The following HPR variants were observed in gnomAD, a reference collection of about 807,000 sequenced individuals.
HPR encodes haptoglobin-related protein.
HPR carries 17 observed loss-of-function variants against 18.5 expected under a neutral mutation model. The ratio of observed to expected loss-of-function variants is 0.92; its 90% CI spans 0.63 to 1.38. The LOEUF is 1.38. Ranked by LOEUF, HPR falls within the 40% of genes most tolerant of loss-of-function variation. The probability of loss-of-function intolerance (pLI) is 0.00; values close to 1 mark genes in which losing one functional copy is unlikely to be tolerated. For synonymous variants in HPR, 176 were observed against 165.0 expected (o/e 1.07, Z -0.51); for missense variants, 457 against 432.4 (o/e 1.06, Z -0.51).
intron 1 of HPR, among the ~76,000 whole-genome samples, chr16:72,064,283 A>G (rs1286509787): frequency 1.3e-5 from 2 of 152,202 alleles, no homozygotes; most frequent in Non-Finnish European, 2.9e-5. Flanking sequence ...AAATACAGTA[A>G]GAAATTCTTC....
chr16:72,076,924 C>A lies in HPR; in HGVS notation c.890C>A (p.Ala297Glu), dbSNP rs368733337. The A allele has an allele frequency of 2.5e-6, 4 of 1,614,092 alleles. No homozygotes were observed. Among genetic ancestry groups the A allele is most frequent in the Middle Eastern group, 1.6e-4 (1 of 6,084 alleles). Residue 297 changes from alanine to glutamate, a missense_variant, in exon 5 of 5, where the codon GCG (alanine) becomes GAG (glutamate). Transcript: ENST00000540303. ...CAGGAAGACACCTGCTATGGCGATG[C>A]GGGCAGTGCCTTTGCCGTTCACGAC... is the stretch of plus-strand genomic sequence containing the variant. ...KYQEDTCYGD[A>E]GSAFAVHDLE...
At chr16:72,064,946 A>AAAG (rs1336936131) in intron 1 of HPR, among the ~76,000 whole-genome samples, 1 of 152,164 alleles carries the variant, frequency 6.6e-6, no homozygotes, top group Non-Finnish European at 1.5e-5. Flanking sequence ...GTGGGGAGAA[A>AAAG]AAGACTTGCA....
intron 1 of HPR, among the ~76,000 whole-genome samples, chr16:72,066,855 T>C (rs2041603615): frequency 6.6e-6 from 1 of 152,140 alleles, no homozygotes; most frequent in Non-Finnish European, 1.5e-5. Flanking sequence ...CAATGTTATC[T>C]ACTTTCCAGC....
chr16:72,066,655 C>T (rs996547967), intron 1 of HPR, among the ~76,000 whole-genome samples: 1 of 152,164 alleles, frequency 6.6e-6, no homozygotes, highest in Non-Finnish European at 1.5e-5. Context: ...ATATACAGGT[C>T]TGAATTTAGA....
chr16:72,066,936 C>T (rs2041604522), intron 1 of HPR, among the ~76,000 whole-genome samples: 6 of 152,150 alleles, frequency 3.9e-5, no homozygotes, highest in Admixed American at 3.9e-4. Flanking sequence ...GGTCCCAAGC[C>T]TCCCAAACCC....
At chr16:72,066,649 A>T (rs1384674252) in intron 1 of HPR, among the ~76,000 whole-genome samples, 2 of 152,210 alleles carry the variant, frequency 1.3e-5, no homozygotes, top group African/African-American at 2.4e-5. Context: ...GAAGCAATAT[A>T]CAGGTCTGAA....
intron 3 of HPR, chr16:72,074,728 C>A (rs2041699060): frequency 1.4e-6 from 1 of 703,702 alleles, no homozygotes; most frequent in South Asian, 1.5e-5. Flanking sequence ...TGGCACTGCT[C>A]TAAGGGCTTT....
chr16:72,072,034 G>C (rs1336137538), intron 1 of HPR, among the ~76,000 whole-genome samples: 3 of 151,144 alleles, frequency 2.0e-5, no homozygotes, highest in Admixed American at 1.3e-4. Context: ...TTTTGACGGA[G>C]TTTTGCTCTT....
chr16:72,067,168 G>A (rs796323674), intron 1 of HPR, among the ~76,000 whole-genome samples: 8 of 152,286 alleles, frequency 5.3e-5, no homozygotes, highest in African/African-American at 1.9e-4. Context: ...AGAGGAACAG[G>A]GAAGTCAGGG....
intron 1 of HPR, among the ~76,000 whole-genome samples, chr16:72,064,093 C>T (rs765306584): frequency 1.3e-5 from 2 of 152,068 alleles, no homozygotes; most frequent in Non-Finnish European, 2.9e-5. Context: ...CGTCTGTTAG[C>T]GAGATGGTGA....
intron 3 of HPR, 69 bp downstream of exon 3, chr16:72,074,454 T>C: frequency 7.5e-7 from 1 of 1,335,744 alleles, no homozygotes; most frequent in South Asian, 1.2e-5. Flanking sequence ...TGATGGGTGG[T>C]GCTGAGGTGA....
chr16:72,066,524 T>C (rs995942416), intron 1 of HPR, among the ~76,000 whole-genome samples: 1 of 151,904 alleles, frequency 6.6e-6, no homozygotes, highest in Non-Finnish European at 1.5e-5. Flanking sequence ...GAAATAATAA[T>C]AAAAGGAATC....
intron 1 of HPR, among the ~76,000 whole-genome samples, chr16:72,067,493 G>T (rs961340524): frequency 6.6e-6 from 1 of 152,166 alleles, no homozygotes; most frequent in African/African-American, 2.4e-5. Context: ...TTAGGCATAG[G>T]CCTACAAGTC....
chr16:72,071,426 T>C (rs1410989264), intron 1 of HPR, among the ~76,000 whole-genome samples: 1 of 152,172 alleles, frequency 6.6e-6, no homozygotes, highest in Non-Finnish European at 1.5e-5. Flanking sequence ...GCATAAGCTG[T>C]ATGGTAGTTC....
intron 1 of HPR, among the ~76,000 whole-genome samples, chr16:72,065,617 AT>A: frequency 6.6e-6 from 1 of 152,224 alleles, no homozygotes; most frequent in Non-Finnish European, 1.5e-5. Context: ...CCAAGGTCCC[AT>A]CCTCAAACCC....
intron 1 of HPR, among the ~76,000 whole-genome samples, chr16:72,069,634 G>A (rs928725012): frequency 9.9e-5 from 15 of 152,180 alleles, no homozygotes; most frequent in African/African-American, 2.7e-4. Context: ...AGCCATGTGC[G>A]ATGCAGTTCT....
intron 3 of HPR, 152 bp from the exon 4 acceptor site, chr16:72,074,993 C>T: frequency 1.6e-6 from 2 of 1,263,084 alleles, no homozygotes; most frequent in Non-Finnish European, 2.3e-6. Context: ...CACTCTTTCC[C>T]TTCCTCCTTC....
At chr16:72,074,593 G>A (rs1357283836) in intron 3 of HPR, 4 of 720,274 alleles carry the variant, frequency 5.6e-6, no homozygotes, top group Non-Finnish European at 1.0e-5. Flanking sequence ...GTTTTGTTAA[G>A]GGGAGGTGAT....
chr16:72,070,176 C>T (rs959271108), intron 1 of HPR, among the ~76,000 whole-genome samples: 5 of 152,144 alleles, frequency 3.3e-5, no homozygotes, highest in South Asian at 4.1e-4. Context: ...GTTAAGAATC[C>T]GAACTGCTCC....
Sources: gnomAD v4.1 joint callset for allele counts (sites outside exome capture counted in the v4.1 genomes callset) on GRCh38, gnomAD v4.1.1 for gene constraint, MANE v1.5 for transcripts, NCBI Gene and HGNC (gene_info 2026-07-23, HGNC 2026-07-21) for gene names.